The following ST18 variants were observed in gnomAD, a reference collection of about 807,000 sequenced individuals.
ST18 encodes the protein ST18 C2H2C-type zinc finger transcription factor, also known as suppression of tumorigenicity 18 protein.
A neutral mutation model predicts 110.0 loss-of-function variants in ST18; 50 were observed. That is an observed-to-expected ratio of 0.45 (90% CI 0.36 to 0.58). The LOEUF (loss-of-function observed/expected upper bound fraction) is 0.58, where lower values mean the gene tolerates loss of function less well. Ranked by LOEUF, ST18 falls within the 20% of genes least tolerant of loss-of-function variation. ST18 has a pLI of 0.00. For synonymous variants in ST18, 461 were observed against 452.4 expected, an observed-to-expected ratio of 1.02 and a Z score of -0.24; for missense variants, 1,306 against 1,280.1, an observed-to-expected ratio of 1.02 and a Z score of -0.31.
intron 2 of ST18, among the ~76,000 whole-genome samples, chr8:52,248,725 A>G (rs910378494): frequency 1.3e-5 from 2 of 152,196 alleles, no homozygotes; most frequent in African/African-American, 4.8e-5. Context: ...CAGCAAGCAA[A>G]TAACCACTAA....
At chr8:52,262,666 C>T (rs1445526572) in intron 2 of ST18, among the ~76,000 whole-genome samples, 1 of 152,168 alleles carries the variant, frequency 6.6e-6, no homozygotes, top group Non-Finnish European at 1.5e-5. Flanking sequence ...TAATATTACC[C>T]AAATAAATAC....
intron 2 of ST18, among the ~76,000 whole-genome samples, chr8:52,301,199 T>C (rs748381281): frequency 1.7e-4 from 26 of 152,216 alleles, no homozygotes; most frequent in Non-Finnish European, 3.4e-4. Flanking sequence ...AATCAAATAA[T>C]TCCTATTTAA....
chr8:52,290,377 C>A (rs1221803369), intron 2 of ST18, among the ~76,000 whole-genome samples: 2 of 152,156 alleles, frequency 1.3e-5, no homozygotes, highest in Non-Finnish European at 2.9e-5. Context: ...ACACTTTAGA[C>A]CTGCTCAGAG....
At chr8:52,237,768 T>G (rs1589097912) in intron 2 of ST18, among the ~76,000 whole-genome samples, 1 of 152,248 alleles carries the variant, frequency 6.6e-6, no homozygotes, top group Non-Finnish European at 1.5e-5. Context: ...GAGGCAGGAA[T>G]GACCTTTGCT....
At chr8:52,400,740 G>A (rs546821442) in intron 2 of ST18, among the ~76,000 whole-genome samples, 41 of 152,098 alleles carry the variant, frequency 2.7e-4, no homozygotes, top group African/African-American at 9.6e-4. Context: ...TTATGTTTTT[G>A]TTGTCACAAT....
In ST18 at chr8:52,256,990, C is replaced by A. The variant is rs564506018; in HGVS notation, c.-464-26913G>T. Reference sequence around the variant, plus strand: ...ATTCCCTCCCTCTCACCCAGGCAACCACTGATCTATTTCCGTCTTTGTAAA... The same window carrying A: ...ATTCCCTCCCTCTCACCCAGGCAACAACTGATCTATTTCCGTCTTTGTAAA... On this transcript the variant is annotated intron_variant, in intron 2 of 25. Transcript: ENST00000689386. Among the ~76,000 whole-genome samples the A allele has an allele frequency of 3.5e-4, 54 of 152,272 alleles. No homozygotes were observed. The South Asian group carries it at 0.011, about 31-fold the overall frequency.
At position 52,159,095 on chromosome 8, in the gene ST18, T is replaced by C. The variant is rs765955856; in HGVS notation, c.1609A>G (p.Asn537Asp). ...PPFPESKHFP[N>D]PVKFPNRLPS... ...AGTCGATTAGGAAATTTCACTGGAT[T>C]TGGAAAATGCTTTGCTGTTGAAGAG... Residue 537 changes from asparagine to aspartate, a missense_variant, in exon 15 of 26, where the codon AAT becomes GAT. Coordinates refer to ENST00000689386, the MANE Select transcript of ST18 (RefSeq NM_001352837.2). 4.3e-6 allele frequency: 7 copies of C among 1,613,984 alleles called. No homozygotes were observed. In the Admixed American group the frequency reaches 1.2e-4, roughly 27 times the overall value.
intron 2 of ST18, among the ~76,000 whole-genome samples, chr8:52,286,773 A>G (rs2095477996): frequency 6.6e-6 from 1 of 150,840 alleles, no homozygotes; most frequent in South Asian, 2.1e-4. Flanking sequence ...TGGCTACTAG[A>G]TAATCAAGTC....
At chr8:52,276,277 A>G (rs111205559) in intron 2 of ST18, among the ~76,000 whole-genome samples, 12,920 of 141,184 alleles carry the variant, frequency 0.092, 611 homozygotes, top group East Asian at 0.17. Flanking sequence ...CACGTACCAC[A>G]TACACACATA....
At chr8:52,305,562 A>G (rs2095799089) in intron 2 of ST18, among the ~76,000 whole-genome samples, 1 of 152,222 alleles carries the variant, frequency 6.6e-6, no homozygotes, top group Non-Finnish European at 1.5e-5. Flanking sequence ...TAAAAATTTC[A>G]CATGAAAACG....
chr8:52,364,518 A>G (rs1462948096), intron 2 of ST18, among the ~76,000 whole-genome samples: 1 of 152,228 alleles, frequency 6.6e-6, no homozygotes, highest in African/African-American at 2.4e-5. Context: ...TATACACTTC[A>G]GACACTGTTT....
At chr8:52,409,000 T>G (rs931999117) in intron 2 of ST18, 2 of 152,272 alleles carry the variant, frequency 1.3e-5, no homozygotes, top group African/African-American at 4.8e-5. Flanking sequence ...AAGAAATTCC[T>G]TACTGTACAA....
intron 2 of ST18, among the ~76,000 whole-genome samples, chr8:52,299,080 T>C: frequency 6.6e-6 from 1 of 152,224 alleles, no homozygotes; most frequent in Non-Finnish European, 1.5e-5. Context: ...CCAGTGATTA[T>C]ATTTTGGAAT....
At chr8:52,211,995 T>G in intron 8 of ST18, 84 bp downstream of exon 8, 1 of 1,440,698 alleles carries the variant, frequency 6.9e-7, no homozygotes, top group Non-Finnish European at 9.6e-7. Flanking sequence ...CTAAAAAAAG[T>G]ATTCTGAGGC....
chr8:52,179,484 A>C (rs1157875685), intron 9 of ST18, among the ~76,000 whole-genome samples: 1 of 152,192 alleles, frequency 6.6e-6, no homozygotes, highest in Non-Finnish European at 1.5e-5. Context: ...ATTTTCCTTC[A>C]GTCTCCTTCT....
intron 2 of ST18, among the ~76,000 whole-genome samples, chr8:52,246,188 CT>C (rs1196710866): frequency 6.6e-6 from 1 of 151,882 alleles, no homozygotes; most frequent in Non-Finnish European, 1.5e-5. Context: ...GTTCAAGATT[CT>C]TTACATAGGT....
intron 6 of ST18, among the ~76,000 whole-genome samples, 188 bp from the exon 7 acceptor site, chr8:52,214,445 C>T (rs765384364): frequency 1.3e-5 from 2 of 152,138 alleles, no homozygotes; most frequent in African/African-American, 2.4e-5. Flanking sequence ...AATACATCTA[C>T]AGTTGCTGGA....
rs963330041 is a variant in ST18, at chr8:52,401,921, A to G, written c.-465+7407T>C. 5.3e-5 allele frequency among the ~76,000 whole-genome samples: 8 copies of G among 152,020 alleles called. No individual in the cohort carries two copies. The South Asian group carries it at 6.2e-4, about 12-fold the overall frequency. On this transcript the variant is annotated intron_variant, in intron 2 of 25. Coordinates refer to ENST00000689386, the MANE Select transcript of ST18 (RefSeq NM_001352837.2). ...TCCAGTGGAACAGTTGCCTCTTCTA[A>G]TTTTATAGAGGGCTTTCATAGGGAA...
chr8:52,281,266 G>T (rs62499814), intron 2 of ST18, among the ~76,000 whole-genome samples: 24,365 of 151,912 alleles, frequency 0.16, 2,150 homozygotes, highest in Middle Eastern at 0.29. Context: ...GCCAGTTTAA[G>T]AATTTAGAAC....
Sources: allele counts gnomAD v4.1 joint callset (sites outside exome capture counted in the v4.1 genomes callset), GRCh38; gene constraint gnomAD v4.1.1; transcripts MANE v1.5; gene names NCBI Gene and HGNC (gene_info 2026-07-23, HGNC 2026-07-21).